FHIT: variants seen among roughly 807,000 people sequenced by gnomAD.
The protein encoded by FHIT is bis(5'-adenosyl)-triphosphatase.
In FHIT, 19 loss-of-function variants were observed where a neutral mutation model predicts 17.9. That is an observed-to-expected ratio of 1.06 (90% CI 0.74 to 1.56). The LOEUF (loss-of-function observed/expected upper bound fraction) is 1.56, where lower values mean the gene tolerates loss of function less well. Ranked by LOEUF, FHIT falls within the 40% of genes most tolerant of loss-of-function variation. The pLI, the probability that FHIT is intolerant of heterozygous loss-of-function variation, is 0.00. For missense variants in FHIT, 248 were observed against 189.2 expected (o/e 1.31, Z -1.82); for synonymous variants, 81 against 69.7 (o/e 1.16, Z -0.81).
chr3:60,943,352 T>C (rs1708500467), intron 3 of FHIT, among the ~76,000 whole-genome samples: 1 of 152,160 alleles, frequency 6.6e-6, no homozygotes, highest in African/African-American at 2.4e-5. Flanking sequence ...TATCATTAAA[T>C]AATAACTCTT....
intron 4 of FHIT, among the ~76,000 whole-genome samples, chr3:60,681,517 G>T (rs2040747387): frequency 6.6e-6 from 1 of 152,172 alleles, no homozygotes; most frequent in East Asian, 1.9e-4. Context: ...ATTAAGCTTG[G>T]CGAGGAAGGC....
intron 3 of FHIT, among the ~76,000 whole-genome samples, chr3:61,003,941 G>T (rs754812135): frequency 6.6e-6 from 1 of 152,190 alleles, no homozygotes; most frequent in Non-Finnish European, 1.5e-5. Context: ...AGCAAAACAT[G>T]CTCTGTGAGT....
intron 5 of FHIT, among the ~76,000 whole-genome samples, chr3:60,160,777 G>A (rs1576226399): frequency 6.6e-6 from 1 of 152,046 alleles, no homozygotes; most frequent in East Asian, 1.9e-4. Flanking sequence ...ATTGTTACTT[G>A]TAAAACAGAG....
intron 5 of FHIT, among the ~76,000 whole-genome samples, chr3:60,205,594 C>A (rs2107503564): frequency 6.6e-6 from 1 of 152,146 alleles, no homozygotes; most frequent in Admixed American, 6.5e-5. Context: ...TCTGGGAGCA[C>A]TCCAGGAAGA....
intron 5 of FHIT, among the ~76,000 whole-genome samples, chr3:60,149,311 T>G (rs933375582): frequency 5.3e-5 from 8 of 150,920 alleles, no homozygotes; most frequent in Non-Finnish European, 1.0e-4. Flanking sequence ...CCAGCAGAAA[T>G]AGAATAGTGT....
intron 4 of FHIT, among the ~76,000 whole-genome samples, chr3:60,770,976 CCTAACAGTT>C (rs1342582981): frequency 3.3e-5 from 5 of 152,344 alleles, no homozygotes; most frequent in Admixed American, 1.3e-4. Context: ...TCATTCACAA[CCTAACAGTT>C]CTCTCTCAGG....
rs767299865 is a variant in FHIT, at chr3:60,014,141, A to G, written c.115T>C (p.Cys39Arg). The G allele has an allele frequency of 1.2e-6, 2 of 1,614,082 alleles. No individual in the cohort carries two copies. Among genetic ancestry groups the G allele is most frequent in the Non-Finnish European group, 1.7e-6 (2 of 1,179,972 alleles). The part of the protein sequence containing the change: ...KPVVPGHVLV[C>R]PLRPVERFHD... ...AAGCGCTCCACTGGCCGCAGCGGGC[A>G]CACAAGGACATCTGTAGCAAGGTCT... The change falls in exon 6 of 10, where the codon TGC (cysteine) becomes CGC (arginine). Residue 39 changes from cysteine (C) to arginine (R), a missense_variant. By Grantham distance (180) the Cys-to-Arg change is radical (BLOSUM62 -3). Transcript: ENST00000492590.
chr3:60,484,387 G>A (rs867617760), intron 5 of FHIT, among the ~76,000 whole-genome samples: 11 of 152,282 alleles, frequency 7.2e-5, no homozygotes, highest in African/African-American at 2.6e-4. Context: ...AAAGAATAAA[G>A]CTGGAGGTAT....
intron 4 of FHIT, among the ~76,000 whole-genome samples, chr3:60,644,302 T>A (rs968062499): frequency 1.3e-5 from 2 of 152,194 alleles, no homozygotes; most frequent in South Asian, 4.1e-4. Flanking sequence ...TCTCATTATC[T>A]CTAATATTAA....
chr3:60,878,939 G>T (rs782586623), intron 3 of FHIT, among the ~76,000 whole-genome samples: 1 of 152,030 alleles, frequency 6.6e-6, no homozygotes, highest in South Asian at 2.1e-4. Context: ...GAATAGTGCC[G>T]CAATAAACAT....
At chr3:59,845,236 T>C (rs1387012155) in intron 8 of FHIT, among the ~76,000 whole-genome samples, 1 of 152,086 alleles carries the variant, frequency 6.6e-6, no homozygotes, top group South Asian at 2.1e-4. Context: ...AATCACTTTT[T>C]CCCCTGATTT....
intron 5 of FHIT, among the ~76,000 whole-genome samples, chr3:60,503,460 T>C (rs527322405): frequency 6.6e-6 from 1 of 152,182 alleles, no homozygotes; most frequent in African/African-American, 2.4e-5. Context: ...TCAGTTTTCT[T>C]TGAATACTTC....
At chr3:60,946,323 G>C (rs527288616) in intron 3 of FHIT, among the ~76,000 whole-genome samples, 1 of 152,248 alleles carries the variant, frequency 6.6e-6, no homozygotes, top group African/African-American at 2.4e-5. Flanking sequence ...GGGCACTATT[G>C]GCATTTGGGG....
intron 8 of FHIT, among the ~76,000 whole-genome samples, chr3:59,756,268 A>G (rs542386102): frequency 6.6e-6 from 1 of 152,190 alleles, no homozygotes; most frequent in African/African-American, 2.4e-5. Context: ...GATCCAAAAC[A>G]ACTTATTATA....
intron 5 of FHIT, among the ~76,000 whole-genome samples, chr3:60,091,826 CT>C (rs2107098761): frequency 6.6e-6 from 1 of 152,232 alleles, no homozygotes; most frequent in East Asian, 1.9e-4. Context: ...TGACTGGAAG[CT>C]TGCTGAGACC....
chr3:60,417,235 TAC>T (rs1702284498), intron 5 of FHIT, among the ~76,000 whole-genome samples: 1 of 152,136 alleles, frequency 6.6e-6, no homozygotes, highest in Admixed American at 6.5e-5. Flanking sequence ...ATTTATCACA[TAC>T]AATTGTAAGA....
chr3:60,665,090 A>T (rs2040350847), intron 4 of FHIT, among the ~76,000 whole-genome samples: 1 of 151,986 alleles, frequency 6.6e-6, no homozygotes, highest in Non-Finnish European at 1.5e-5. Context: ...TTGATAACTT[A>T]GAAGTGTGTT....
At chr3:61,060,799 C>T (rs1232621265) in intron 2 of FHIT, among the ~76,000 whole-genome samples, 2 of 152,200 alleles carry the variant, frequency 1.3e-5, no homozygotes, top group Admixed American at 6.5e-5. Context: ...CAATGTCAAT[C>T]AGTCACTGTT....
chr3:59,985,604 T>C (rs1378013310), intron 7 of FHIT, among the ~76,000 whole-genome samples: 3 of 152,172 alleles, frequency 2.0e-5, no homozygotes, highest in Non-Finnish European at 1.5e-5. Flanking sequence ...CTCAGGGCAA[T>C]GAGTACAACT....
Sources: allele counts gnomAD v4.1 joint callset (sites outside exome capture counted in the v4.1 genomes callset), GRCh38; gene constraint gnomAD v4.1.1; transcripts MANE v1.5; gene names NCBI Gene and HGNC (gene_info 2026-07-23, HGNC 2026-07-21).